The following RIMBP2 variants were observed in gnomAD, a reference collection of about 807,000 sequenced individuals.
RIMBP2 encodes RIMS binding protein 2.
RIMBP2 carries 48 observed loss-of-function variants against 118.6 expected under a neutral mutation model. That is an observed-to-expected ratio of 0.40 (90% CI 0.32 to 0.51). The LOEUF (loss-of-function observed/expected upper bound fraction) is 0.51. Ranked by LOEUF, RIMBP2 falls within the 20% of genes least tolerant of loss-of-function variation. The pLI, the probability that RIMBP2 is intolerant of heterozygous loss-of-function variation, is 0.41. For synonymous variants in RIMBP2, 762 were observed against 742.9 expected, an observed-to-expected ratio of 1.03 and a Z score of -0.42; for missense variants, 1,551 against 1,768.3, an observed-to-expected ratio of 0.88 and a Z score of 2.20.
rs73457136 is a variant in RIMBP2 at position 130,413,885 on chromosome 12, G to C, written c.3420+240C>G. Among the ~76,000 whole-genome samples, 1,338 of 152,254 alleles carry C rather than the reference G, an allele frequency of 8.8e-3. 21 individuals are homozygous for C. The highest frequency in any genetic ancestry group is 0.03 in the African/African-American group (1,267 of 41,560). On this transcript the variant is annotated intron_variant, in intron 18 of 22. Coordinates refer to ENST00000690449, the MANE Select transcript of RIMBP2 (RefSeq NM_001393629.1). ...AACGTAGGCCCTAATAGAATCCAGA[G>C]TTCACAGGACATATTTGGGTGTGTT... is the stretch of plus-strand genomic sequence containing the variant.
At chr12:130,611,504 G>A (rs1019356593) in intron 2 of RIMBP2, among the ~76,000 whole-genome samples, 7 of 152,198 alleles carry the variant, frequency 4.6e-5, no homozygotes, top group African/African-American at 1.4e-4. Context: ...ACCGGCTGCC[G>A]GCTACCGGGC....
chr12:130,428,073 G>A, intron 15 of RIMBP2, 106 bp downstream of exon 15: 1 of 1,076,956 alleles, frequency 9.3e-7, no homozygotes, highest in Non-Finnish European at 1.3e-6. Context: ...GCTACTGGTT[G>A]TAGGGCAAGG....
At chr12:130,427,935 C>G (rs564926861) in intron 15 of RIMBP2, 149 of 391,678 alleles carry the variant, frequency 3.8e-4, no homozygotes, top group Admixed American at 2.6e-3. Context: ...TGGGTGCCCC[C>G]TGGAGGGTGC....
At chr12:130,664,007 C>T (rs1350057891) in intron 1 of RIMBP2, among the ~76,000 whole-genome samples, 3 of 137,520 alleles carry the variant, frequency 2.2e-5, no homozygotes, top group Non-Finnish European at 3.2e-5. Flanking sequence ...GGAGCAATTT[C>T]CAGGCTATAT....
chr12:130,534,870 G>C (rs1206453431), intron 2 of RIMBP2, among the ~76,000 whole-genome samples: 1 of 152,216 alleles, frequency 6.6e-6, no homozygotes, highest in Non-Finnish European at 1.5e-5. Flanking sequence ...TATCTGTCTA[G>C]GAAACGGTCT....
At chr12:130,526,679 T>TA (rs1362549629) in intron 2 of RIMBP2, among the ~76,000 whole-genome samples, 1 of 152,212 alleles carries the variant, frequency 6.6e-6, no homozygotes, top group East Asian at 1.9e-4. Context: ...GTAATTACAT[T>TA]ATGAATTATA....
At chr12:130,482,350 C>A (rs1403192755) in intron 4 of RIMBP2, among the ~76,000 whole-genome samples, 2 of 152,170 alleles carry the variant, frequency 1.3e-5, no homozygotes, top group Non-Finnish European at 1.5e-5. Context: ...GCTGGGGACA[C>A]AGAACAGGAC....
chr12:130,618,798 C>T (rs1487602), intron 2 of RIMBP2, among the ~76,000 whole-genome samples: 75,980 of 152,004 alleles, frequency 0.5, 19,284 homozygotes, highest in African/African-American at 0.57. Context: ...AGACTGTGCA[C>T]GAACGGGATG....
chr12:130,564,116 C>T (rs370080963), intron 2 of RIMBP2, among the ~76,000 whole-genome samples: 3 of 4,246 alleles, frequency 7.1e-4, no homozygotes, highest in African/African-American at 8.4e-4. Flanking sequence ...ACCCTTCAGG[C>T]CTGCTGTTCC....
chr12:130,449,461 G>A (rs12319016), intron 9 of RIMBP2, among the ~76,000 whole-genome samples: 37,671 of 152,158 alleles, frequency 0.25, 5,914 homozygotes, highest in Non-Finnish European at 0.34. Flanking sequence ...CCCACTCAGC[G>A]GCTGTCATCG....
At chr12:130,481,774 C>T (rs1017167829) in intron 4 of RIMBP2, among the ~76,000 whole-genome samples, 3 of 152,242 alleles carry the variant, frequency 2.0e-5, no homozygotes, top group African/African-American at 7.2e-5. Context: ...CAGGCCTGGC[C>T]CTCCTGGGAA....
At chr12:130,649,375 C>T (rs1474279318) in intron 1 of RIMBP2, among the ~76,000 whole-genome samples, 1 of 152,242 alleles carries the variant, frequency 6.6e-6, no homozygotes, top group Non-Finnish European at 1.5e-5. Flanking sequence ...GCCGCCCAAC[C>T]CCTGGGGCCT....
At chr12:130,443,953 T>C (rs1359903724) in intron 10 of RIMBP2, among the ~76,000 whole-genome samples, 3 of 152,206 alleles carry the variant, frequency 2.0e-5, no homozygotes, top group African/African-American at 7.2e-5. Flanking sequence ...ATCTCCATTC[T>C]ATAGCAGAGG....
intron 2 of RIMBP2, among the ~76,000 whole-genome samples, chr12:130,616,807 T>C (rs1470301665): frequency 2.0e-5 from 3 of 151,904 alleles, no homozygotes; most frequent in Non-Finnish European, 4.4e-5. Context: ...CAGCAAAGAG[T>C]TTGGCCAGCA....
Position 130,422,347 on chromosome 12 carries a change from G to T in RIMBP2, c.3238+106C>A. 3.0e-6 allele frequency: 2 copies of T among 659,502 alleles called. No individual in the cohort carries two copies. Among genetic ancestry groups the T allele is most frequent in the Non-Finnish European group, 5.3e-6 (2 of 380,734 alleles). The allele number at this position is 659,502 out of a possible 1,614,324, so 40.9% of individuals were successfully genotyped here. A position where few individuals can be genotyped will look rare whatever the true frequency, so the allele number is the denominator to read the frequency against. On this transcript the variant is annotated intron_variant, in intron 17 of 22. Transcript: ENST00000690449. This position sits in a 1 kb window ranked among gnomAD's most constrained non-coding sequence, Gnocchi z 5.2. ...TTTGCCATGAATAACAGTGTTCTTTGCTTAGCGGAAAATGCTACTCCTAAA... is the reference window on the plus strand; with the variant it reads ...TTTGCCATGAATAACAGTGTTCTTTTCTTAGCGGAAAATGCTACTCCTAAA...
chr12:130,498,426 T>G (rs1361337028), intron 4 of RIMBP2, among the ~76,000 whole-genome samples: 1 of 152,200 alleles, frequency 6.6e-6, no homozygotes, highest in Non-Finnish European at 1.5e-5. Context: ...GTCTTGAGGA[T>G]GTTACATTTT....
intron 2 of RIMBP2, among the ~76,000 whole-genome samples, chr12:130,619,198 A>G (rs2061147956): frequency 6.6e-6 from 1 of 152,220 alleles, no homozygotes; most frequent in South Asian, 2.1e-4. Context: ...GCAGCTTTCC[A>G]GGTACTGGGA....
chr12:130,694,625 C>T (rs1019936488), intron 1 of RIMBP2, among the ~76,000 whole-genome samples: 3 of 152,222 alleles, frequency 2.0e-5, no homozygotes, highest in Admixed American at 1.3e-4. Flanking sequence ...GTAGAGAATT[C>T]CGCTCATCCT....
chr12:130,496,475 G>A (rs565234635), intron 4 of RIMBP2, among the ~76,000 whole-genome samples: 32 of 152,234 alleles, frequency 2.1e-4, no homozygotes, highest in African/African-American at 6.5e-4. Flanking sequence ...TCCTCACTCC[G>A]GTCTCAGCAG....
Sources: gnomAD v4.1 joint callset for allele counts (sites outside exome capture counted in the v4.1 genomes callset) on GRCh38, gnomAD v4.1.1 for gene constraint, Gnocchi (gnomAD v3.1) non-coding constraint, MANE v1.5 for transcripts, NCBI Gene and HGNC (gene_info 2026-07-23, HGNC 2026-07-21) for gene names.